Variants in TMEM182 observed in about 807,000 individuals in gnomAD.
The protein encoded by TMEM182 is transmembrane protein 182.
Under a neutral mutation model 26.8 loss-of-function variants are expected in TMEM182, and 20 were observed. That is an observed-to-expected ratio of 0.75 (90% CI 0.53 to 1.09). The LOEUF is 1.09. Among genes scored for constraint, TMEM182 ranks in the 50% least tolerant of loss-of-function variants. The probability of loss-of-function intolerance (pLI) is 0.00; values close to 1 mark genes in which losing one functional copy is unlikely to be tolerated. For missense variants in TMEM182, 277 were observed against 275.5 expected (o/e 1.01, Z -0.04); for synonymous variants, 109 against 102.2 (o/e 1.07, Z -0.40).
At chr2:102,840,608 C>T (rs1006573190) in intron 3 of TMEM182, among the ~76,000 whole-genome samples, 2 of 152,056 alleles carry the variant, frequency 1.3e-5, no homozygotes, top group African/African-American at 4.8e-5. Context: ...GGAATTAAAA[C>T]AAAAATGAGG....
At chr2:102,786,042 T>A (rs1681374208) in intron 3 of TMEM182, among the ~76,000 whole-genome samples, 1 of 29,140 alleles carries the variant, frequency 3.4e-5, no homozygotes, top group Non-Finnish European at 6.2e-5. Context: ...TGTAGATTGA[T>A]TTTTTTTTTT....
rs1205635052 is a variant in TMEM182, at chr2:102,762,628, G to C, written c.174G>C (p.Arg58Ser). ...VTFHHEGFFW[R>S]CWFNGIVEEN... ...TTCACCATGAAGGGTTCTTCTGGAG[G>C]TGTTGGTTTAATGGGATTGTGGAAG... is the stretch of plus-strand genomic sequence containing the variant. The change falls in exon 2 of 5, where the codon AGG becomes AGC. Residue 58 changes from arginine to serine, a missense_variant. Transcript: ENST00000412401. 1.9e-6 allele frequency: 3 copies of C among 1,613,872 alleles called. No homozygotes were observed. The Admixed American group carries it at 5.0e-5, about 27-fold the overall frequency.
chr2:102,826,958 T>C (rs776732914), intron 3 of TMEM182, among the ~76,000 whole-genome samples: 3 of 152,226 alleles, frequency 2.0e-5, no homozygotes, highest in Non-Finnish European at 2.9e-5. Context: ...GAATACACTT[T>C]AATACATTTA....
intron 3 of TMEM182, 69 bp downstream of exon 3, chr2:102,764,496 ATTG>A: frequency 7.5e-7 from 1 of 1,327,992 alleles, no homozygotes; most frequent in South Asian, 1.4e-5. Context: ...CCAGATCAAA[ATTG>A]TTGTGAGCAA....
chr2:102,791,502 C>G (rs1681636229), intron 3 of TMEM182, among the ~76,000 whole-genome samples: 1 of 152,206 alleles, frequency 6.6e-6, no homozygotes, highest in African/African-American at 2.4e-5. Flanking sequence ...TATACAACAT[C>G]TGTTGTTGGA....
At chr2:102,794,911 T>C (rs1488622745) in intron 3 of TMEM182, among the ~76,000 whole-genome samples, 3 of 152,206 alleles carry the variant, frequency 2.0e-5, no homozygotes, top group Admixed American at 6.5e-5. Context: ...GCCTCTGCTT[T>C]AGGACTCCAA....
At chr2:102,797,796 C>A in intron 3 of TMEM182, 67 bp from the exon 4 acceptor site, 1 of 1,535,098 alleles carries the variant, frequency 6.5e-7, no homozygotes, top group South Asian at 1.3e-5. Context: ...CTGACTGTGA[C>A]AATCTGCTGT....
rs1553436423 is a variant in TMEM182, at chr2:102,753,194, TC to T, written c.-82-5186del. 1.5e-3 allele frequency among the ~76,000 whole-genome samples: 205 copies of T among 138,172 alleles called. 1 individual carries two copies. The highest frequency in any genetic ancestry group is 6.6e-3 in the Admixed American group (91 of 13,772). The allele number at this position is 138,172 out of a possible 152,430, so 90.6% of individuals were successfully genotyped here. A position where few individuals can be genotyped will look rare whatever the true frequency, so the allele number is the denominator to read the frequency against. On this transcript the variant is annotated intron_variant, in intron 1 of 5. Transcript: ENST00000409173. ...GATTTTAACAAATGAGTTTTAAGCTTCCCCCCCCCACTGCCTTCAAGAGTTA... is the reference window on the plus strand; with the variant it reads ...GATTTTAACAAATGAGTTTTAAGCTTCCCCCCCCACTGCCTTCAAGAGTTA...
chr2:102,837,098 A>G (rs1470976899), intron 3 of TMEM182, among the ~76,000 whole-genome samples: 51 of 152,292 alleles, frequency 3.3e-4, no homozygotes, highest in Non-Finnish European at 2.1e-4. Flanking sequence ...TTTCTTAGGT[A>G]GTTTCCACTC....
chr2:102,778,943 T>C (rs1185795972), intron 3 of TMEM182, among the ~76,000 whole-genome samples: 1 of 152,194 alleles, frequency 6.6e-6, no homozygotes, highest in Admixed American at 6.5e-5. Flanking sequence ...TTGTTTTTGC[T>C]TCCTTTCTGG....
At position 102,814,804 on chromosome 2, in the gene TMEM182, G is replaced by A; in HGVS notation, c.526G>A (p.Asp176Asn). 6.2e-7 allele frequency: 1 copy of A among 1,613,834 alleles called. No individual in the cohort carries two copies. The highest frequency in any genetic ancestry group is 1.3e-5 in the African/African-American group (1 of 75,010). The change falls in exon 5 of 5, where the codon GAC becomes AAC. Residue 176 changes from aspartate (D) to asparagine (N), a missense_variant. By Grantham distance (23) the Asp-to-Asn change is conservative. Coordinates refer to ENST00000412401, the MANE Select transcript of TMEM182 (RefSeq NM_144632.5). Reference sequence around the variant, plus strand: ...TGTCATCTGGGTCCAGGCAGTGGCTGACATGGAAAGCTACCGAAACATGAA... The same window carrying A: ...TGTCATCTGGGTCCAGGCAGTGGCTAACATGGAAAGCTACCGAAACATGAA... ...LYVIWVQAVADMESYRNMKMK... is the reference protein window; with the variant it reads ...LYVIWVQAVANMESYRNMKMK...
At chr2:102,776,335 G>T (rs1238739265) in intron 3 of TMEM182, among the ~76,000 whole-genome samples, 2 of 152,030 alleles carry the variant, frequency 1.3e-5, no homozygotes, top group East Asian at 3.9e-4. Context: ...ATCCCTTTCT[G>T]CCCCCAAACC....
intron 4 of TMEM182, among the ~76,000 whole-genome samples, chr2:102,810,035 A>C (rs1682492798): frequency 6.6e-6 from 1 of 152,168 alleles, no homozygotes; most frequent in South Asian, 2.1e-4. Flanking sequence ...CTCATGACTC[A>C]AGTTGTGAAA....
At chr2:102,777,584 T>A (rs1680973924) in intron 3 of TMEM182, among the ~76,000 whole-genome samples, 1 of 152,062 alleles carries the variant, frequency 6.6e-6, no homozygotes, top group Non-Finnish European at 1.5e-5. Context: ...TTCGTTTTTC[T>A]ACTACGATAG....
intron 3 of TMEM182, among the ~76,000 whole-genome samples, chr2:102,787,719 A>G (rs1404362750): frequency 6.6e-6 from 1 of 152,266 alleles, no homozygotes; most frequent in African/African-American, 2.4e-5. Flanking sequence ...GAAGATGCAG[A>G]GGGATCAGTG....
chr2:102,749,416 C>T (rs1679810969), intron 1 of TMEM182, among the ~76,000 whole-genome samples: 1 of 152,066 alleles, frequency 6.6e-6, no homozygotes, highest in African/African-American at 2.4e-5. Context: ...TTAGTGGTTG[C>T]CCGGACCTGA....
intron 3 of TMEM182, among the ~76,000 whole-genome samples, chr2:102,788,642 G>A (rs987567016): frequency 1.3e-5 from 2 of 152,050 alleles, no homozygotes; most frequent in Non-Finnish European, 2.9e-5. Flanking sequence ...GAGCAAGTGA[G>A]ATAATGAACA....
chr2:102,787,772 T>A (rs1681460256), intron 3 of TMEM182, among the ~76,000 whole-genome samples: 1 of 152,216 alleles, frequency 6.6e-6, no homozygotes, highest in African/African-American at 2.4e-5. Flanking sequence ...CTAGTGATAG[T>A]GGATTCTCCA....
downstream of TMEM182, among the ~76,000 whole-genome samples, chr2:102,821,892 G>A (rs1682923246): frequency 6.6e-6 from 1 of 151,622 alleles, no homozygotes; most frequent in Non-Finnish European, 1.5e-5. Flanking sequence ...GGAGGCTGAG[G>A]AAGGAGAATG....
Sources: gnomAD v4.1 joint callset for allele counts (sites outside exome capture counted in the v4.1 genomes callset) on GRCh38, gnomAD v4.1.1 for gene constraint, MANE v1.5 for transcripts, NCBI Gene and HGNC (gene_info 2026-07-23, HGNC 2026-07-21) for gene names.